Variants in PCDHA8 observed in about 807,000 individuals in gnomAD.
The protein encoded by PCDHA8 is protocadherin alpha-8.
PCDHA8 carries 53 observed loss-of-function variants against 61.8 expected under a neutral mutation model. The observed-to-expected ratio is 0.86, with a 90% CI of 0.69 to 1.08. The LOEUF is 1.08. PCDHA8 is among the 50% of genes least tolerant of loss of function. The probability of loss-of-function intolerance (pLI) is 0.00; values close to 1 mark genes in which losing one functional copy is unlikely to be tolerated. For missense variants in PCDHA8, 1,293 were observed against 1,245.0 expected (o/e 1.04, Z -0.58); for synonymous variants, 618 against 556.6 (o/e 1.11, Z -1.55).
chr5:140,861,488 T>C lies in PCDHA8; in HGVS notation c.2394+17773T>C, dbSNP rs182152713. 8.2e-6 allele frequency: 4 copies of C among 489,384 alleles called. No individual in the cohort carries two copies. In the East Asian group the frequency reaches 1.8e-4, roughly 21 times the overall value. The allele number at this position is 489,384 out of a possible 1,614,324, so 30.3% of individuals were successfully genotyped here. A position where few individuals can be genotyped will look rare whatever the true frequency, so the allele number is the denominator to read the frequency against. On this transcript the variant is annotated intron_variant, in intron 1 of 3. Transcript: ENST00000531613. ...ATCTGCAGAATGGCATTTTTGTGAGTTCTCTGATAGACCTCGAGGAGCTGT... is the reference window on the plus strand; with the variant it reads ...ATCTGCAGAATGGCATTTTTGTGAGCTCTCTGATAGACCTCGAGGAGCTGT...
intron 1 of PCDHA8, chr5:140,866,970 A>T (rs545469392): frequency 6.6e-6 from 1 of 152,296 alleles, no homozygotes; most frequent in African/African-American, 2.4e-5. Flanking sequence ...GTGACATCTG[A>T]AATATCACAG....
At chr5:140,877,435 G>A (rs1354877569) in intron 1 of PCDHA8, 1 of 1,613,736 alleles carries the variant, frequency 6.2e-7, no homozygotes, top group African/African-American at 1.3e-5. Context: ...GAAGGACCAC[G>A]GTGAGCCCGC....
rs553967078 is a variant in PCDHA8, at chr5:140,856,258, C to T, written c.2394+12543C>T. 103 of 1,598,068 alleles carry T rather than the reference C, an allele frequency of 6.4e-5. 11 individuals carry two copies. The highest frequency in any genetic ancestry group is 2.7e-4 in the Admixed American group (16 of 59,260). On this transcript the variant is annotated intron_variant, in intron 1 of 3. Transcript: ENST00000531613. Reference sequence around the variant, plus strand: ...TGTTCCGGGTGGCGTCCAAAAGACACGGGGACCTTCTGGAGGTAAATCTGC... The same window carrying T: ...TGTTCCGGGTGGCGTCCAAAAGACATGGGGACCTTCTGGAGGTAAATCTGC...
chr5:140,948,895 A>G (rs1192387448), intron 1 of PCDHA8, among the ~76,000 whole-genome samples: 1 of 151,548 alleles, frequency 6.6e-6, no homozygotes, highest in Non-Finnish European at 1.5e-5. Flanking sequence ...TTAGATTTTA[A>G]GTGGATTCTT....
intron 1 of PCDHA8, chr5:140,875,959 G>A: frequency 1.2e-6 from 2 of 1,614,070 alleles, no homozygotes; most frequent in South Asian, 1.1e-5. Flanking sequence ...TGCGGATATC[G>A]GCGTAAACTC....
intron 1 of PCDHA8, chr5:140,877,253 T>G (rs2056969600): frequency 1.2e-6 from 2 of 1,613,576 alleles, no homozygotes; most frequent in Non-Finnish European, 8.5e-7. Context: ...GTGGCGAAAG[T>G]GCGCGCGGTG....
chr5:140,868,731 G>A (rs1002022928), intron 1 of PCDHA8: 2 of 192,996 alleles, frequency 1.0e-5, no homozygotes, highest in South Asian at 1.2e-4. Context: ...GATGTTAATC[G>A]AGAAATACAA....
intron 1 of PCDHA8, chr5:140,927,270 C>G: frequency 6.2e-7 from 1 of 1,614,150 alleles, no homozygotes; most frequent in Non-Finnish European, 8.5e-7. Context: ...TCTTTCCTGC[C>G]GGCGACGTGC....
rs1007708043 is a variant in PCDHA8 at position 140,967,271 on chromosome 5, A to G, written c.2395-11678A>G. 3.1e-6 allele frequency: 5 copies of G among 1,613,338 alleles called. No individual in the cohort carries two copies. The South Asian group carries it at 5.5e-5, about 18-fold the overall frequency. On this transcript the variant is annotated intron_variant, in intron 1 of 3. Transcript: ENST00000531613. The stretch of plus-strand genomic sequence containing the variant: ...GGTGGCGCCTGGAGCGCGCTTTCAC[A>G]TAGAGAGTGCGCAGGACCCCGACGT...
At chr5:140,877,109 G>T (rs370191624) in intron 1 of PCDHA8, 1 of 1,613,590 alleles carries the variant, frequency 6.2e-7, no homozygotes, top group South Asian at 1.1e-5. Flanking sequence ...CCGCCTCTGG[G>T]CAGCAACGTG....
At chr5:140,927,147 G>T (rs1554204095) in intron 1 of PCDHA8, 5 of 1,614,162 alleles carry the variant, frequency 3.1e-6, no homozygotes, top group Non-Finnish European at 4.2e-6. Context: ...ACCGCGAACA[G>T]CTGTGCAGGG....
At position 140,862,652 on chromosome 5, in the gene PCDHA8, G is replaced by A. The variant is rs904797822; in HGVS notation, c.2394+18937G>A. ...TGCCACGACTTCACAGTGTCCGCGC[G>A]GGACCGGGACGCGCAGGAGAACGTG... is the stretch of plus-strand genomic sequence containing the variant. On this transcript the variant is annotated intron_variant, in intron 1 of 3. Coordinates refer to ENST00000531613, the MANE Select transcript of PCDHA8 (RefSeq NM_018911.3). The A allele has an allele frequency of 1.4e-4, 76 of 544,114 alleles. 1 individual carries two copies. The highest frequency in any genetic ancestry group is 3.8e-5 in the African/African-American group (2 of 52,208). 33.7% of individuals were successfully genotyped at this position (544,114 alleles called of 1,614,324 possible). A position where few individuals can be genotyped will look rare whatever the true frequency, so the allele number is the denominator to read the frequency against.
intron 1 of PCDHA8, among the ~76,000 whole-genome samples, chr5:140,969,746 T>C (rs1353204080): frequency 6.6e-6 from 1 of 152,224 alleles, no homozygotes; most frequent in African/African-American, 2.4e-5. Context: ...ATGAGTGATG[T>C]TTCTTAAAAA....
At chr5:140,946,857 G>T (rs2094041766) in intron 1 of PCDHA8, among the ~76,000 whole-genome samples, 1 of 151,296 alleles carries the variant, frequency 6.6e-6, no homozygotes, top group Non-Finnish European at 1.5e-5. Flanking sequence ...GAGAGATTGA[G>T]GAGAGGTTGG....
At chr5:140,968,141 A>G in intron 1 of PCDHA8, 1 of 1,614,110 alleles carries the variant, frequency 6.2e-7, no homozygotes, top group Non-Finnish European at 8.5e-7. Context: ...GAAGGTTGAG[A>G]TCTCTGACAT....
intron 1 of PCDHA8, among the ~76,000 whole-genome samples, chr5:140,957,373 T>C (rs906109440): frequency 6.6e-5 from 10 of 152,310 alleles, no homozygotes; most frequent in African/African-American, 2.2e-4. Context: ...ACTTTTATTA[T>C]AGTGTATTGT....
chr5:140,870,879 G>T (rs1554164779), intron 1 of PCDHA8: 2 of 1,613,952 alleles, frequency 1.2e-6, no homozygotes, highest in African/African-American at 2.7e-5. Context: ...TGGTGGCGAA[G>T]GTGCGCGCAG....
chr5:140,849,959 C>A (rs527334652), intron 1 of PCDHA8: 1 of 1,597,764 alleles, frequency 6.3e-7, no homozygotes, highest in African/African-American at 1.3e-5. Flanking sequence ...AGGAGAACGC[C>A]CTGGTGTCCT....
chr5:140,885,391 T>G, intron 1 of PCDHA8, among the ~76,000 whole-genome samples: 1 of 152,112 alleles, frequency 6.6e-6, no homozygotes, highest in East Asian at 1.9e-4. Context: ...TCCCTGCAAA[T>G]CTAATGGTTT....
Sources: gnomAD v4.1 joint callset for allele counts (sites outside exome capture counted in the v4.1 genomes callset) on GRCh38, gnomAD v4.1.1 for gene constraint, MANE v1.5 for transcripts, NCBI Gene and HGNC (gene_info 2026-07-23, HGNC 2026-07-21) for gene names.